PAM: variants seen among roughly 807,000 people sequenced by gnomAD.
PAM encodes peptidylglycine alpha-amidating monooxygenase.
PAM carries 72 observed loss-of-function variants against 122.1 expected under a neutral mutation model. The observed-to-expected ratio is 0.59, with a 90% CI of 0.49 to 0.72. The LOEUF (loss-of-function observed/expected upper bound fraction) is 0.72, where lower values mean the gene tolerates loss of function less well. PAM is among the 30% of genes least tolerant of loss of function. PAM has a pLI of 0.00. For missense variants in PAM, 1,106 were observed against 1,183.7 expected, an observed-to-expected ratio of 0.93 and a Z score of 0.96; for synonymous variants, 389 against 404.4, an observed-to-expected ratio of 0.96 and a Z score of 0.46.
chr5:102,795,189 C>CAAAAAAAAAAAAAAAAA (rs33988105), intron 1 of PAM, among the ~76,000 whole-genome samples: 34 of 59,664 alleles, frequency 5.7e-4, no homozygotes, highest in Middle Eastern at 0.013. Context: ...GACAATGTCT[C>CAAAAAAAAAAAAAAAAA]AAAAAAAAAA....
intron 3 of PAM, among the ~76,000 whole-genome samples, chr5:102,884,790 C>T (rs1000507800): frequency 2.0e-5 from 3 of 151,732 alleles, no homozygotes; most frequent in Non-Finnish European, 4.4e-5. Flanking sequence ...TATAAAGGGA[C>T]GAATCTGATG....
intron 21 of PAM, among the ~76,000 whole-genome samples, chr5:103,016,180 G>T (rs973486541): frequency 6.6e-6 from 1 of 152,154 alleles, no homozygotes; most frequent in East Asian, 1.9e-4. Context: ...GAAAAAAAAT[G>T]AGCCTCCTTG....
intron 5 of PAM, 106 bp downstream of exon 5, chr5:102,914,127 C>A: frequency 3.0e-6 from 2 of 677,682 alleles, no homozygotes; most frequent in Admixed American, 4.7e-5. Context: ...ATAGGCAGAA[C>A]ATTTTAAGAA....
In PAM at chr5:102,984,227, T is replaced by C. The variant is rs1770963113; in HGVS notation, c.1484-6045T>C. 2.0e-5 allele frequency among the ~76,000 whole-genome samples: 3 copies of C among 151,966 alleles called. 1 individual carries two copies. In the South Asian group the frequency reaches 6.3e-4, roughly 32 times the overall value. Reference sequence around the variant, plus strand: ...AAAACAATTAACAAAATGACAAAAATAAATCCTCACCTACCGATAATAACC... The same window carrying C: ...AAAACAATTAACAAAATGACAAAAACAAATCCTCACCTACCGATAATAACC... On this transcript the variant is annotated intron_variant, in intron 15 of 25. Coordinates refer to ENST00000438793, the MANE Select transcript of PAM (RefSeq NM_001177306.2).
At chr5:102,763,734 A>T (rs2149693484) in intron 1 of PAM, among the ~76,000 whole-genome samples, 1 of 152,346 alleles carries the variant, frequency 6.6e-6, no homozygotes, top group African/African-American at 2.4e-5. Context: ...AATGAAATCA[A>T]GTAACTGAGG....
chr5:102,760,545 C>T (rs1752012102), intron 1 of PAM, among the ~76,000 whole-genome samples: 1 of 152,180 alleles, frequency 6.6e-6, no homozygotes, highest in African/African-American at 2.4e-5. Flanking sequence ...TCCTCAGTTG[C>T]AGTAGCCACA....
At chr5:102,905,284 C>A (rs1289586730) in intron 4 of PAM, among the ~76,000 whole-genome samples, 1 of 151,654 alleles carries the variant, frequency 6.6e-6, no homozygotes, top group Admixed American at 6.6e-5. Flanking sequence ...TGCTTTCCCT[C>A]ACATGGATGA....
At chr5:102,907,399 C>A (rs1799899117) in intron 4 of PAM, among the ~76,000 whole-genome samples, 1 of 151,278 alleles carries the variant, frequency 6.6e-6, no homozygotes, top group African/African-American at 2.4e-5. Context: ...GGTTCCAAGT[C>A]TTTGCTATTG....
At chr5:102,921,149 G>T (rs1290520242) in intron 5 of PAM, among the ~76,000 whole-genome samples, 1 of 151,998 alleles carries the variant, frequency 6.6e-6, no homozygotes, top group East Asian at 1.9e-4. Flanking sequence ...CAATTTAATC[G>T]ACTTAGTCTG....
chr5:102,797,376 G>A (rs1763644819), intron 1 of PAM, among the ~76,000 whole-genome samples: 1 of 152,068 alleles, frequency 6.6e-6, no homozygotes. Flanking sequence ...GTGTATTTCT[G>A]AGCCATCACA....
intron 1 of PAM, among the ~76,000 whole-genome samples, chr5:102,815,278 C>T (rs1769411291): frequency 6.6e-6 from 1 of 151,502 alleles, no homozygotes; most frequent in Non-Finnish European, 1.5e-5. Flanking sequence ...AGATAGAAAC[C>T]AGGAGAAAGG....
chr5:102,833,966 G>T (rs1776192615), intron 1 of PAM, among the ~76,000 whole-genome samples: 1 of 152,028 alleles, frequency 6.6e-6, no homozygotes, highest in Non-Finnish European at 1.5e-5. Context: ...CCTCTATATT[G>T]ATTTCATATG....
chr5:102,873,345 GC>G (rs1788130409), intron 3 of PAM: 1 of 152,190 alleles, frequency 6.6e-6, no homozygotes, highest in African/African-American at 2.4e-5. Context: ...AAAACCAACA[GC>G]CTTTTGGGCA....
chr5:102,914,864 G>A (rs1210643803), intron 5 of PAM, among the ~76,000 whole-genome samples: 1 of 152,058 alleles, frequency 6.6e-6, no homozygotes, highest in Non-Finnish European at 1.5e-5. Flanking sequence ...TTATTAGAAA[G>A]TATTTGAATC....
At chr5:102,840,023 A>G (rs1580790452) in intron 1 of PAM, among the ~76,000 whole-genome samples, 1 of 152,202 alleles carries the variant, frequency 6.6e-6, no homozygotes, top group South Asian at 2.1e-4. Flanking sequence ...GGTTCTAACC[A>G]GAGCAATAAA....
intron 12 of PAM, among the ~76,000 whole-genome samples, chr5:102,959,135 T>A (rs1272921624): frequency 1.3e-5 from 2 of 152,184 alleles, no homozygotes; most frequent in Non-Finnish European, 2.9e-5. Flanking sequence ...AAATATCCAC[T>A]GTTTTAAAAT....
rs534543076 is a variant in PAM, at chr5:103,020,090, A to G, written c.2485+247A>G. 3.0e-4 allele frequency among the ~76,000 whole-genome samples: 46 copies of G among 152,302 alleles called. 1 individual carries two copies. The highest frequency in any genetic ancestry group is 2.6e-3 in the Admixed American group (40 of 15,290). ...GTGATAGAAAGTGATTGAGGATACAAAAACTTTGTAACTAGTGAGCCAGAG... is the reference window on the plus strand; with the variant it reads ...GTGATAGAAAGTGATTGAGGATACAGAAACTTTGTAACTAGTGAGCCAGAG... On this transcript the variant is annotated intron_variant, in intron 23 of 25. Coordinates refer to ENST00000438793, the MANE Select transcript of PAM (RefSeq NM_001177306.2).
chr5:102,950,700 G>T lies in PAM; in HGVS notation c.802-17G>T, dbSNP rs1192789504. The T allele has an allele frequency of 6.9e-7, 1 of 1,451,184 alleles. No individual in the cohort carries two copies. Among genetic ancestry groups the T allele is most frequent in the Non-Finnish European group, 9.7e-7 (1 of 1,032,860 alleles). The allele number at this position is 1,451,184 out of a possible 1,614,324, so 89.9% of individuals were successfully genotyped here. On this transcript the variant is annotated splice_polypyrimidine_tract_variant and intron_variant, in intron 11 of 25. Coordinates refer to ENST00000438793, the MANE Select transcript of PAM (RefSeq NM_001177306.2). ...ATTGGTAATATTAATGATTCATTGT[G>T]TTTGTCTTTTTGGTAGGCTTTCTAC... is the stretch of plus-strand genomic sequence containing the variant.
intron 1 of PAM, among the ~76,000 whole-genome samples, chr5:102,804,160 G>A (rs1765616312): frequency 6.6e-6 from 1 of 152,314 alleles, no homozygotes; most frequent in Non-Finnish European, 1.5e-5. Flanking sequence ...GTTGCTTAAA[G>A]TATCAGGAGG....
Sources: allele counts gnomAD v4.1 joint callset (sites outside exome capture counted in the v4.1 genomes callset), GRCh38; gene constraint gnomAD v4.1.1; transcripts MANE v1.5; gene names NCBI Gene and HGNC (gene_info 2026-07-23, HGNC 2026-07-21).